Variants in REEP5 observed in about 807,000 individuals in gnomAD.
The protein encoded by REEP5 is receptor accessory protein 5.
A neutral mutation model predicts 22.4 loss-of-function variants in REEP5; 24 were observed. The ratio of observed to expected loss-of-function variants is 1.07; its 90% CI spans 0.78 to 1.51. REEP5 has a LOEUF of 1.51. Among genes scored for constraint, REEP5 ranks in the 40% most tolerant of loss-of-function variants. REEP5 has a pLI of 0.00. For missense variants in REEP5, 252 were observed against 233.0 expected, an observed-to-expected ratio of 1.08 and a Z score of -0.53; for synonymous variants, 103 against 88.6, an observed-to-expected ratio of 1.16 and a Z score of -0.92.
At chr5:112,905,193 T>A (rs916508796) in intron 2 of REEP5, among the ~76,000 whole-genome samples, 5 of 152,050 alleles carry the variant, frequency 3.3e-5, no homozygotes, top group Admixed American at 6.5e-5. Flanking sequence ...AACGTGAGGT[T>A]CAAAAAAGTG....
rs572863260 is a variant in REEP5, at chr5:112,891,434, A to G, written c.352-4251T>C. 3.3e-5 allele frequency among the ~76,000 whole-genome samples: 5 copies of G among 152,282 alleles called. No homozygotes were observed. The East Asian group carries it at 9.6e-4, about 29-fold the overall frequency. The stretch of plus-strand genomic sequence containing the variant: ...GAAATGAAATTCAAATTTATGATAT[A>G]CTTAATTACAAAAAAAGTCTAACTG... On this transcript the variant is annotated intron_variant, in intron 3 of 4. Transcript: ENST00000379638.
chr5:112,880,807 G>A (rs1014580806), intron 4 of REEP5, among the ~76,000 whole-genome samples: 14 of 152,202 alleles, frequency 9.2e-5, no homozygotes, highest in Admixed American at 7.2e-4. Context: ...TAAGGGAAGG[G>A]AGAAGAAAAG....
chr5:112,886,977 C>A, intron 4 of REEP5, 38 bp downstream of exon 4: 5 of 1,483,006 alleles, frequency 3.4e-6, no homozygotes, highest in Non-Finnish European at 3.7e-6. Context: ...TGTCACATCT[C>A]CTCTCACATG....
Position 112,916,813 on chromosome 5 carries a change from T to C in REEP5, c.212+4350A>G, listed in dbSNP as rs533357899. ...TAGTTGTGAGACCTTGATCAAGTTA[T>C]TCAAATTCTCTTTCTGTGTTTCCTC... On this transcript the variant is annotated intron_variant, in intron 2 of 4. Coordinates refer to ENST00000379638, the MANE Select transcript of REEP5 (RefSeq NM_005669.5). Among the ~76,000 whole-genome samples the C allele has an allele frequency of 7.2e-5, 11 of 152,364 alleles. No homozygotes were observed. In the East Asian group the frequency reaches 1.5e-3, roughly 21 times the overall value.
intron 2 of REEP5, among the ~76,000 whole-genome samples, chr5:112,914,211 C>G (rs146190870): frequency 0.049 from 7,469 of 151,290 alleles, 452 homozygotes; most frequent in East Asian, 0.16. Context: ...CAACCTGTGC[C>G]TCCTGGGTTC....
At chr5:112,891,707 A>C in intron 3 of REEP5, 1 of 1,614,152 alleles carries the variant, frequency 6.2e-7, no homozygotes, top group Non-Finnish European at 8.5e-7. Context: ...AGCCACAAAA[A>C]GTACAGGGCC....
chr5:112,883,003 T>C (rs1093677), intron 4 of REEP5, among the ~76,000 whole-genome samples: 54,515 of 152,104 alleles, frequency 0.36, 10,102 homozygotes, highest in African/African-American at 0.46. Context: ...CTCTACTGTA[T>C]ACTGGATCCT....
At chr5:112,908,507 T>C (rs897785115) in intron 2 of REEP5, among the ~76,000 whole-genome samples, 2 of 152,000 alleles carry the variant, frequency 1.3e-5, no homozygotes, top group Non-Finnish European at 2.9e-5. Context: ...ATTCATTTAA[T>C]TTCTCTTTGA....
At chr5:112,921,296 G>A (rs756361054) in intron 1 of REEP5, 40 bp from the exon 2 acceptor site, 74 of 1,599,536 alleles carry the variant, frequency 4.6e-5, no homozygotes, top group Admixed American at 1.0e-4. Context: ...GGCAGCATGA[G>A]AGCCGTTCAC....
chr5:112,901,755 A>T (rs1220849472), intron 3 of REEP5, among the ~76,000 whole-genome samples: 4 of 151,462 alleles, frequency 2.6e-5, no homozygotes, highest in Non-Finnish European at 5.9e-5. Context: ...CTCCCAGAAG[A>T]AGTACAAATA....
At chr5:112,891,567 G>T (rs1580736870) in intron 3 of REEP5, 3 of 1,548,564 alleles carry the variant, frequency 1.9e-6, no homozygotes, top group Non-Finnish European at 2.6e-6. Context: ...ACTGACAGTG[G>T]CAGCTATGAA....
intron 2 of REEP5, among the ~76,000 whole-genome samples, chr5:112,906,555 T>A (rs1768959849): frequency 6.6e-6 from 1 of 152,116 alleles, no homozygotes; most frequent in South Asian, 2.1e-4. Flanking sequence ...AGTGTCCAGA[T>A]CCCTGGAGGT....
rs991882209 is a variant in REEP5, at chr5:112,891,193, C to T, written c.352-4010G>A. ...GTTCAAGCAGTTCTCCTGCCTCAGC[C>T]TCCCAAGTAGCTGGGATTACAGGCA... On this transcript the variant is annotated intron_variant, in intron 3 of 4. Transcript: ENST00000379638. Among the ~76,000 whole-genome samples, 2 of 152,142 alleles carry T rather than the reference C, an allele frequency of 1.3e-5. 1 individual carries two copies. Among genetic ancestry groups the T allele is most frequent in the African/African-American group, 4.8e-5 (2 of 41,400 alleles).
intron 2 of REEP5, among the ~76,000 whole-genome samples, chr5:112,905,567 C>T (rs1768937557): frequency 6.9e-6 from 1 of 144,842 alleles, no homozygotes; most frequent in Non-Finnish European, 1.5e-5. Flanking sequence ...AAAAAAAAAA[C>T]AAACTTGAGG....
chr5:112,905,029 A>AT (rs1768924416), intron 2 of REEP5, among the ~76,000 whole-genome samples: 2 of 152,180 alleles, frequency 1.3e-5, no homozygotes, highest in African/African-American at 4.8e-5. Context: ...AGCTAAAGAG[A>AT]TTTTTTAATA....
Position 112,917,663 on chromosome 5 carries a change from T to A in REEP5, c.212+3500A>T, listed in dbSNP as rs138943369. 2.5e-3 allele frequency among the ~76,000 whole-genome samples: 376 copies of A among 152,222 alleles called. 2 individuals carry two copies. Among genetic ancestry groups the A allele is most frequent in the African/African-American group, 5.6e-3 (231 of 41,542 alleles). ...CTGGAGGGACTGCACCAGGAGGACT[T>A]ACTCACATATGAGGGTGCAGCACAG... On this transcript the variant is annotated intron_variant, in intron 2 of 4. Coordinates refer to ENST00000379638, the MANE Select transcript of REEP5 (RefSeq NM_005669.5).
chr5:112,914,378 T>G lies in REEP5; in HGVS notation c.212+6785A>C, dbSNP rs561687118. 7.3e-5 allele frequency among the ~76,000 whole-genome samples: 11 copies of G among 151,342 alleles called. No homozygotes were observed. In the East Asian group the frequency reaches 1.6e-3, roughly 22 times the overall value. ...GATTCTCCCACTTCAGCTTCTGGAG[T>G]AGCTGGGACTACAGGCGTGTACTAA... is the stretch of plus-strand genomic sequence containing the variant. On this transcript the variant is annotated intron_variant, in intron 2 of 4. Coordinates refer to ENST00000379638, the MANE Select transcript of REEP5 (RefSeq NM_005669.5).
At chr5:112,879,859 G>C (rs577745098) in intron 4 of REEP5, among the ~76,000 whole-genome samples, 1 of 151,924 alleles carries the variant, frequency 6.6e-6, no homozygotes, top group Admixed American at 6.6e-5. Flanking sequence ...TGGGAAGATC[G>C]CTTGAAGCCA....
intron 3 of REEP5, chr5:112,891,478 AAATG>A (rs1768445617): frequency 4.1e-6 from 4 of 967,038 alleles, no homozygotes; most frequent in Admixed American, 5.8e-5. Context: ...AGGAGAAACA[AAATG>A]AAAGTAATTT....
Sources: allele counts gnomAD v4.1 joint callset (sites outside exome capture counted in the v4.1 genomes callset), GRCh38; gene constraint gnomAD v4.1.1; transcripts MANE v1.5; gene names NCBI Gene and HGNC (gene_info 2026-07-23, HGNC 2026-07-21).